CYLC1: variants seen among roughly 807,000 people sequenced by gnomAD.
The protein encoded by CYLC1 is cylicin 1.
Under a neutral mutation model 31.6 loss-of-function variants are expected in CYLC1, and 2 were observed. The ratio of observed to expected loss-of-function variants is 0.06; its 90% CI spans 0.03 to 0.20. CYLC1 has a LOEUF of 0.20. Among genes scored for constraint, CYLC1 ranks in the 10% least tolerant of loss-of-function variants. The pLI, the probability that CYLC1 is intolerant of heterozygous loss-of-function variation, is 1.00. For synonymous variants in CYLC1, 185 were observed against 153.0 expected (o/e 1.21, Z -1.54); for missense variants, 595 against 424.1 (o/e 1.40, Z -3.54).
In CYLC1 at chrX:83,872,448, A is replaced by AT. The variant is rs758608987; in HGVS notation, c.178-436dup. On this transcript the variant is annotated intron_variant, in intron 3 of 4. Transcript: ENST00000329312. ...GAAATTAGGCTAGGGTTTTACAACTATTACAGGAACTGTCATAACAAACTT... is the reference window on the plus strand; with the variant it reads ...GAAATTAGGCTAGGGTTTTACAACTATTTACAGGAACTGTCATAACAAACTT... Among the ~76,000 whole-genome samples, 5 of 110,471 alleles carry AT rather than the reference A, an allele frequency of 4.5e-5. No homozygotes were observed. The South Asian group carries it at 1.9e-3, about 42-fold the overall frequency.
rs200534434 is a variant in CYLC1 at position 83,873,208 on chromosome X, A to G, written c.500A>G (p.His167Arg). The G allele has an allele frequency of 4.0e-5, 48 of 1,203,443 alleles. No homozygotes were observed. The highest frequency in any genetic ancestry group is 5.6e-6 in the Non-Finnish European group (5 of 891,527). Residue 167 changes from histidine (H) to arginine (R), a missense_variant, in exon 4 of 5, where the codon CAT (histidine) becomes CGT (arginine). Physicochemically the swap from His to Arg is conservative, Grantham distance 29. Transcript: ENST00000329312. ...GATAAAACTCCCTTAAAATCATCAC[A>G]TGAAAATGAACAATCCAAGAAGTCA... ...EADKTPLKSS[H>R]ENEQSKKSKS... is the part of the protein sequence containing the mutation.
At chrX:83,881,440 T>C (rs2031905458) in intron 4 of CYLC1, among the ~76,000 whole-genome samples, 1 of 109,493 alleles carries the variant, frequency 9.1e-6, no homozygotes, top group African/African-American at 3.3e-5. Flanking sequence ...CATTTCTTAG[T>C]TGTGCCTGCC....
rs370013332 is a variant in CYLC1, at chrX:83,873,407, C to T, written c.699C>T (p.Pro233=). Residue 233 remains proline (P), a synonymous_variant, in exon 4 of 5, where the codon CCC becomes CCT. Transcript: ENST00000329312. ...AGAGGTCAAAGACTAGTAATGATCC[C>T]ATATCAGAGATTTGCTCAGAAAATA... The part of the protein sequence containing the change: ...DLKRSKTSND[P]ISEICSENSL... 4.7e-5 allele frequency: 57 copies of T among 1,202,047 alleles called. No individual in the cohort carries two copies. In the African/African-American group the frequency reaches 7.7e-4, roughly 16 times the overall value.
In CYLC1 at chrX:83,873,452, C is replaced by T. The variant is rs2031704687; in HGVS notation, c.744C>T (p.Leu248=). The change falls in exon 4 of 5, where the codon CTC becomes CTT. Residue 248 remains leucine, a synonymous_variant. Transcript: ENST00000329312. ...AAAATAGTTTAAATGTTGATTTCCT[C>T]ATGTTAGTGGGACAGTCTGATGATG... The part of the protein sequence containing the change: ...CSENSLNVDF[L]MLVGQSDDES... 3.3e-6 allele frequency: 4 copies of T among 1,199,258 alleles called. No individual in the cohort carries two copies. Among genetic ancestry groups the T allele is most frequent in the African/African-American group, 3.5e-5 (2 of 57,200 alleles).
At chrX:83,864,340 T>C (rs2031560635) in intron 1 of CYLC1, among the ~76,000 whole-genome samples, 1 of 110,916 alleles carries the variant, frequency 9.0e-6, no homozygotes, top group Admixed American at 9.7e-5. Context: ...ATATCATCAT[T>C]TTTTCTTAAC....
At chrX:83,866,819 A>G (rs780003413) in intron 1 of CYLC1, among the ~76,000 whole-genome samples, 10 of 111,384 alleles carry the variant, frequency 9.0e-5, no homozygotes, top group Non-Finnish European at 1.7e-4. Context: ...ACCTTAATTT[A>G]TCATCTTTTA....
chrX:83,870,128 T>G (rs2031644418), intron 2 of CYLC1, among the ~76,000 whole-genome samples: 1 of 111,700 alleles, frequency 9.0e-6, no homozygotes, highest in Admixed American at 9.5e-5. Flanking sequence ...TCACTGGTTT[T>G]GAAGAAAGAT....
At position 83,873,154 on chromosome X, in the gene CYLC1, A is replaced by G. The variant is rs758882114; in HGVS notation, c.446A>G (p.Glu149Gly). ...AATCCAGAATCCAAGCAAATAGTAG[A>G]AGAGAAAACTAAAAGACAAAATGAG... is the stretch of plus-strand genomic sequence containing the variant. ...ATNPESKQIVEEKTKRQNEAD... is the reference protein window; with the variant it reads ...ATNPESKQIVGEKTKRQNEAD... Residue 149 changes from glutamate (E) to glycine (G), a missense_variant, in exon 4 of 5, where the codon GAA becomes GGA. Physicochemically the swap from Glu to Gly is moderately conservative, Grantham distance 98 (BLOSUM62 -2). Coordinates refer to ENST00000329312, the MANE Select transcript of CYLC1 (RefSeq NM_021118.3). The G allele has an allele frequency of 3.3e-6, 4 of 1,203,217 alleles. No homozygotes were observed. In the East Asian group the frequency reaches 1.2e-4, roughly 36 times the overall value.
intron 4 of CYLC1, 106 bp downstream of exon 4, chrX:83,874,737 A>G (rs2031735988): frequency 2.3e-6 from 2 of 872,885 alleles, no homozygotes; most frequent in African/African-American, 4.1e-5. Flanking sequence ...CTTTTACTAG[A>G]ATATTGACAA....
In CYLC1 at chrX:83,873,485, A is replaced by C; in HGVS notation, c.777A>C (p.Ile259=). ...MLVGQSDDES[I]NFDAWLRNYS... ...TGGGACAGTCTGATGATGAATCCATAAATTTTGATGCATGGTTAAGGAATT... is the reference window on the plus strand; with the variant it reads ...TGGGACAGTCTGATGATGAATCCATCAATTTTGATGCATGGTTAAGGAATT... The change falls in exon 4 of 5, where the codon ATA becomes ATC. Residue 259 remains isoleucine, a synonymous_variant. Transcript: ENST00000329312. The C allele has an allele frequency of 8.4e-7, 1 of 1,192,872 alleles. No homozygotes were observed.
chrX:83,878,064 A>C (rs1195157281), intron 4 of CYLC1, among the ~76,000 whole-genome samples: 1 of 62,178 alleles, frequency 1.6e-5, no homozygotes, highest in African/African-American at 6.6e-5. Context: ...ATTTGTATAT[A>C]AATATATATA....
chrX:83,865,347 T>C (rs1440603343), intron 1 of CYLC1, among the ~76,000 whole-genome samples: 1 of 111,229 alleles, frequency 9.0e-6, no homozygotes, highest in East Asian at 2.8e-4. Context: ...ATCCAGTACA[T>C]CACCAAATCC....
At position 83,873,855 on chromosome X, in the gene CYLC1, G is replaced by C; in HGVS notation, c.1147G>C (p.Asp383His). ...AGGAGATGCAAAGGATGCAAGAAAT[G>C]ATTCAAGAAATTTGAAGAAAGCTTC... The part of the protein sequence containing the change: ...ESGDAKDARN[D>H]SRNLKKASKN... Residue 383 changes from aspartate (D) to histidine (H), a missense_variant, in exon 4 of 5, where the codon GAT (aspartate) becomes CAT (histidine). Physicochemically the swap from Asp to His is moderately conservative, Grantham distance 81. Transcript: ENST00000329312. 2 of 1,196,781 alleles carry C rather than the reference G, an allele frequency of 1.7e-6. No homozygotes were observed. The highest frequency in any genetic ancestry group is 2.3e-6 in the Non-Finnish European group (2 of 884,971).
intron 4 of CYLC1, among the ~76,000 whole-genome samples, chrX:83,876,235 G>A (rs1471289410): frequency 2.7e-5 from 3 of 110,310 alleles, no homozygotes; most frequent in African/African-American, 6.6e-5. Flanking sequence ...ACTCTGCTTT[G>A]AGACTCAAAG....
At chrX:83,877,434 G>C (rs1365033772) in intron 4 of CYLC1, among the ~76,000 whole-genome samples, 2 of 110,737 alleles carry the variant, frequency 1.8e-5, no homozygotes, top group African/African-American at 6.6e-5. Flanking sequence ...TCTTACCCTA[G>C]CTTCCAGTGT....
intron 3 of CYLC1, 143 bp downstream of exon 3, chrX:83,871,713 C>A: frequency 2.0e-6 from 1 of 493,249 alleles, no homozygotes; most frequent in Non-Finnish European, 3.1e-6. Context: ...AACAGACTGC[C>A]CCTACCTGCT....
intron 4 of CYLC1, among the ~76,000 whole-genome samples, chrX:83,876,200 T>A (rs1036930757): frequency 9.0e-6 from 1 of 110,675 alleles, no homozygotes; most frequent in Non-Finnish European, 1.9e-5. Context: ...GTTTCAAGTC[T>A]AGCTTTCTCC....
chrX:83,885,778 A>G (rs921808583), intron 4 of CYLC1, among the ~76,000 whole-genome samples: 1 of 110,110 alleles, frequency 9.1e-6, no homozygotes, highest in African/African-American at 3.3e-5. Flanking sequence ...CATAAAGAGC[A>G]TGATTGCAAT....
At position 83,870,599 on chromosome X, in the gene CYLC1, A is replaced by G. The variant is rs2031649843; in HGVS notation, c.58+694A>G. ...TTCAAAGCATTGTTGTAAAGATTAA[A>G]CAAGTTTACTAAAATGCTTAGAACA... On this transcript the variant is annotated intron_variant, in intron 2 of 4. Transcript: ENST00000329312. Among the ~76,000 whole-genome samples, 4 of 112,044 alleles carry G rather than the reference A, an allele frequency of 3.6e-5. No individual in the cohort carries two copies. The Admixed American group carries it at 3.8e-4, about 11-fold the overall frequency.
Sources: gnomAD v4.1 joint callset for allele counts (sites outside exome capture counted in the v4.1 genomes callset) on GRCh38, gnomAD v4.1.1 for gene constraint, MANE v1.5 for transcripts, NCBI Gene and HGNC (gene_info 2026-07-23, HGNC 2026-07-21) for gene names.